The following CDK13 variants were observed in gnomAD, a reference collection of about 807,000 sequenced individuals.
CDK13 encodes cyclin dependent kinase 13, also known as cyclin-dependent kinase 13.
In CDK13, 40 loss-of-function variants were observed where a neutral mutation model predicts 137.6. The ratio of observed to expected loss-of-function variants is 0.29; its 90% CI spans 0.23 to 0.38. The LOEUF (loss-of-function observed/expected upper bound fraction) is 0.38. CDK13 is among the 10% of genes least tolerant of loss of function. The probability of loss-of-function intolerance (pLI) is 1.00; values close to 1 mark genes in which losing one functional copy is unlikely to be tolerated. For missense variants in CDK13, 1,704 were observed against 1,951.8 expected (o/e 0.87, Z 2.39); for synonymous variants, 869 against 760.1 (o/e 1.14, Z -2.36).
At chr7:39,985,201 A>T (rs1328756826) in intron 1 of CDK13, 1 of 150,354 alleles carries the variant, frequency 6.7e-6, no homozygotes, top group East Asian at 2.0e-4. Context: ...TAGCTCCCAC[A>T]AATAAGTGAG....
Position 40,058,921 on chromosome 7 carries a change from A to G in CDK13, c.2601-3905A>G, listed in dbSNP as rs189666227. On this transcript the variant is annotated intron_variant, in intron 7 of 13. Transcript: ENST00000181839. ...CTGAAGACTCTCTTTGTCTCAAAAC[A>G]GTATGAATTATAGTATAAAAGAAGT... is the stretch of plus-strand genomic sequence containing the variant. 9.5e-4 allele frequency among the ~76,000 whole-genome samples: 145 copies of G among 152,300 alleles called. 1 individual carries two copies. Among genetic ancestry groups the G allele is most frequent in the East Asian group, 1.2e-3 (6 of 5,174 alleles).
intron 1 of CDK13, chr7:39,952,872 ATATACT>A (rs1357833303): frequency 6.6e-6 from 1 of 152,204 alleles, no homozygotes; most frequent in African/African-American, 2.4e-5. Context: ...GTGCCTTAAA[ATATACT>A]TATCCACTAA....
intron 2 of CDK13, 70 bp downstream of exon 2, chr7:39,988,328 G>A: frequency 1.6e-6 from 2 of 1,240,002 alleles, no homozygotes; most frequent in Middle Eastern, 3.9e-4. Flanking sequence ...GAAATGAGTT[G>A]ACCTCCCCTA....
At chr7:40,063,249 G>A in intron 9 of CDK13, 149 bp downstream of exon 9, 1 of 640,522 alleles carries the variant, frequency 1.6e-6, no homozygotes, top group South Asian at 1.9e-5. Flanking sequence ...AAACTGAAAT[G>A]TAGGCACTTT....
intron 2 of CDK13, among the ~76,000 whole-genome samples, chr7:39,988,738 A>T (rs557691823): frequency 8.0e-4 from 122 of 152,128 alleles, no homozygotes; most frequent in East Asian, 1.2e-3. Flanking sequence ...TTAAAAAAAA[A>T]TTTTTTTAGC....
At position 40,043,191 on chromosome 7, in the gene CDK13, G is replaced by A. The variant is rs143381551; in HGVS notation, c.2354-2645G>A. 9.9e-5 allele frequency among the ~76,000 whole-genome samples: 15 copies of A among 152,224 alleles called. 1 individual carries two copies. In the East Asian group the frequency reaches 2.9e-3, roughly 29 times the overall value. ...TATTGCATTTTTCTTTGATGTAACT[G>A]TCCACCTCCTTGTGGGATTATACAT... On this transcript the variant is annotated intron_variant, in intron 5 of 13. Transcript: ENST00000181839.
intron 1 of CDK13, among the ~76,000 whole-genome samples, chr7:39,970,460 T>C (rs1783972926): frequency 1.6e-5 from 2 of 125,102 alleles, no homozygotes; most frequent in South Asian, 5.1e-4. Flanking sequence ...TTTGTACTGT[T>C]GTCATCTTTT....
At chr7:39,983,534 A>C (rs1192702715) in intron 1 of CDK13, among the ~76,000 whole-genome samples, 2 of 152,192 alleles carry the variant, frequency 1.3e-5, no homozygotes, top group Non-Finnish European at 1.5e-5. Context: ...GATTTTACCT[A>C]TTATCTTTGT....
intron 5 of CDK13, among the ~76,000 whole-genome samples, chr7:40,006,999 A>G (rs1391729872): frequency 6.6e-6 from 1 of 152,158 alleles, no homozygotes; most frequent in Non-Finnish European, 1.5e-5. Flanking sequence ...TAACAGTACT[A>G]CACAGAGGGG....
chr7:40,065,115 G>C (rs1438114681), intron 9 of CDK13, among the ~76,000 whole-genome samples: 1 of 151,570 alleles, frequency 6.6e-6, no homozygotes, highest in African/African-American at 2.4e-5. Context: ...AGTAAAAAGG[G>C]TTAAGAAGAA....
chr7:39,981,234 G>A (rs1784216041), intron 1 of CDK13, among the ~76,000 whole-genome samples: 1 of 152,012 alleles, frequency 6.6e-6, no homozygotes, highest in East Asian at 1.9e-4. Flanking sequence ...CGAGTGTGGT[G>A]GTGCGCGCCT....
chr7:39,979,349 T>C (rs1009804070), intron 1 of CDK13, among the ~76,000 whole-genome samples: 4 of 151,986 alleles, frequency 2.6e-5, no homozygotes, highest in Non-Finnish European at 1.5e-5. Flanking sequence ...CCCAAGTGGC[T>C]GGGATTACAG....
Position 40,093,069 on chromosome 7 carries a change from G to A in CDK13, c.3520G>A (p.Ala1174Thr). 6.2e-7 allele frequency: 1 copy of A among 1,614,204 alleles called. No homozygotes were observed. ...CATCCAGCCTAAAGTGGAGACTGAT[G>A]CTGCCCAGGCGGCTGTGCAGAGTGC... The part of the protein sequence containing the change: ...QTIQPKVETD[A>T]AQAAVQSAFA... The change falls in exon 13 of 14, where the codon GCT (alanine) becomes ACT (threonine). Residue 1174 changes from alanine (A) to threonine (T), a missense_variant. Ala to Thr is a moderately conservative substitution (Grantham distance 58, BLOSUM62 0). Around this residue, in one of 5 missense-constraint regions of CDK13, gnomAD observed 475 missense variants for 579.3 expected, o/e 0.82. Coordinates refer to ENST00000181839, the MANE Select transcript of CDK13 (RefSeq NM_003718.5).
chr7:39,988,382 A>G, intron 2 of CDK13, 124 bp downstream of exon 2: 3 of 647,418 alleles, frequency 4.6e-6, no homozygotes, highest in East Asian at 5.6e-5. Flanking sequence ...CAAGTGAATG[A>G]ATTTTCTTGA....
intron 9 of CDK13, among the ~76,000 whole-genome samples, chr7:40,064,366 A>T (rs981738357): frequency 1.3e-5 from 2 of 152,140 alleles, no homozygotes; most frequent in African/African-American, 4.8e-5. Flanking sequence ...ATTTCCATGA[A>T]AGTTTCAAAA....
chr7:40,094,396 G>A lies in CDK13; in HGVS notation c.3955G>A (p.Gly1319Ser), dbSNP rs147108931. 2.1e-4 allele frequency: 347 copies of A among 1,614,028 alleles called. 1 individual carries two copies. The highest frequency in any genetic ancestry group is 1.8e-3 in the South Asian group (163 of 91,080). ...HQPQDDPKRE[G>S]GIDYQAGDTY... ...GCCCCAGGATGACCCCAAAAGAGAA[G>A]GTGGGATTGATTATCAAGCAGGAGA... Residue 1319 changes from glycine (G) to serine (S), a missense_variant, in exon 14 of 14, where the codon GGT (glycine) becomes AGT (serine). Gly to Ser is a moderately conservative substitution (Grantham distance 56, BLOSUM62 0). Around this residue, in one of 5 missense-constraint regions of CDK13, gnomAD observed 475 missense variants for 579.3 expected, o/e 0.82. Transcript: ENST00000181839.
Position 40,062,525 on chromosome 7 carries a change from C to T in CDK13, c.2601-301C>T, listed in dbSNP as rs1786178111. Reference sequence around the variant, plus strand: ...TCGATCTCCTGACCTCGTGATCTGCCAGCCTCGGCCTCCCAGAGTGCTGGG... The same window carrying T: ...TCGATCTCCTGACCTCGTGATCTGCTAGCCTCGGCCTCCCAGAGTGCTGGG... On this transcript the variant is annotated intron_variant, in intron 7 of 13. Coordinates refer to ENST00000181839, the MANE Select transcript of CDK13 (RefSeq NM_003718.5). 2.9e-5 allele frequency: 7 copies of T among 241,844 alleles called. No individual in the cohort carries two copies. In the South Asian group the frequency reaches 3.2e-4, roughly 11 times the overall value. The allele number at this position is 241,844 out of a possible 1,614,324, so 15.0% of individuals were successfully genotyped here.
chr7:40,092,048 T>C (rs1366992349), intron 12 of CDK13, among the ~76,000 whole-genome samples: 1 of 152,028 alleles, frequency 6.6e-6, no homozygotes. Flanking sequence ...GTTAATACTA[T>C]CATATGCATA....
chr7:40,028,786 A>G (rs1032818987), intron 5 of CDK13, among the ~76,000 whole-genome samples: 4 of 151,978 alleles, frequency 2.6e-5, no homozygotes, highest in African/African-American at 7.2e-5. Flanking sequence ...TGTAAGAAGT[A>G]TAAATGAGTT....
Sources: allele counts gnomAD v4.1 joint callset (sites outside exome capture counted in the v4.1 genomes callset), GRCh38; gene constraint gnomAD v4.1.1; regional missense constraint gnomAD v4.1.1; transcripts MANE v1.5; gene names NCBI Gene and HGNC (gene_info 2026-07-23, HGNC 2026-07-21).